The following ARHGAP22 variants were observed in gnomAD, a reference collection of about 807,000 sequenced individuals.
ARHGAP22 encodes the protein Rho GTPase activating protein 22.
A neutral mutation model predicts 59.1 loss-of-function variants in ARHGAP22; 48 were observed. The observed-to-expected ratio is 0.81, with a 90% CI of 0.64 to 1.03. The LOEUF is 1.03. Ranked by LOEUF, ARHGAP22 falls within the 50% of genes least tolerant of loss-of-function variation. The pLI is 0.00. For synonymous variants in ARHGAP22, 445 were observed against 416.4 expected, an observed-to-expected ratio of 1.07 and a Z score of -0.84; for missense variants, 1,015 against 958.7, an observed-to-expected ratio of 1.06 and a Z score of -0.78.
At chr10:48,577,801 GTTTTTTTTTTT>G (rs34557935) in intron 2 of ARHGAP22, among the ~76,000 whole-genome samples, 1 of 59,142 alleles carries the variant, frequency 1.7e-5, no homozygotes, top group African/African-American at 6.6e-5. Flanking sequence ...CTCTTTTTTG[GTTTTTTTTTTT>G]TTTTTTTTTT....
Position 48,450,473 on chromosome 10 carries a change from G to A in ARHGAP22, c.1656C>T (p.Ser552=), listed in dbSNP as rs1564660556. 1.3e-6 allele frequency: 2 copies of A among 1,541,542 alleles called. No individual in the cohort carries two copies. The highest frequency in any genetic ancestry group is 1.8e-6 in the Non-Finnish European group (2 of 1,142,578). The change falls in exon 9 of 10, where the codon TCC becomes TCT. Residue 552 remains serine (S), a synonymous_variant. Transcript: ENST00000249601. ...SLHTDWALEP[S]PLPSSSEDPK... is the part of the protein sequence containing the mutation. The stretch of plus-strand genomic sequence containing the variant: ...GGTCCTCGCTGCTGCTGGGGAGCGG[G>A]GAGGGCTCCAGGGCCCAGTCGGTGT...
intron 1 of ARHGAP22, among the ~76,000 whole-genome samples, chr10:48,589,679 T>C (rs540525154): frequency 6.6e-6 from 1 of 152,284 alleles, no homozygotes; most frequent in East Asian, 1.9e-4. Context: ...CTGAAGATTC[T>C]CTCAGTGCAT....
chr10:48,447,063 T>C (rs2045428740), intron 9 of ARHGAP22, among the ~76,000 whole-genome samples: 1 of 152,174 alleles, frequency 6.6e-6, no homozygotes, highest in Non-Finnish European at 1.5e-5. Context: ...CAGCCACACG[T>C]GGTGACCCAC....
intron 3 of ARHGAP22, among the ~76,000 whole-genome samples, chr10:48,539,165 C>T (rs1017740209): frequency 1.1e-4 from 17 of 152,084 alleles, no homozygotes; most frequent in Non-Finnish European, 2.2e-4. Flanking sequence ...ATCCAGATAA[C>T]ATCAAATAGT....
chr10:48,498,337 A>G (rs967415167), intron 3 of ARHGAP22, among the ~76,000 whole-genome samples: 1 of 152,078 alleles, frequency 6.6e-6, no homozygotes, highest in African/African-American at 2.4e-5. Flanking sequence ...CTGGCGAACA[A>G]TGAAGGCCCC....
At chr10:48,548,585 T>C in intron 3 of ARHGAP22, among the ~76,000 whole-genome samples, 1 of 151,906 alleles carries the variant, frequency 6.6e-6, no homozygotes, top group East Asian at 2.0e-4. Flanking sequence ...TCTTAGCAAC[T>C]CTTTTTGCCC....
intron 4 of ARHGAP22, among the ~76,000 whole-genome samples, chr10:48,478,436 G>C (rs923792003): frequency 5.3e-5 from 8 of 152,152 alleles, no homozygotes; most frequent in Non-Finnish European, 1.2e-4. Context: ...TGGGCAAACA[G>C]AGGAGCAAAG....
chr10:48,553,520 G>A (rs986537408), intron 3 of ARHGAP22, among the ~76,000 whole-genome samples: 2 of 152,314 alleles, frequency 1.3e-5, no homozygotes, highest in East Asian at 1.9e-4. Context: ...CCCCAACTCC[G>A]CCACTAGCTG....
Position 48,503,189 on chromosome 10 carries a change from C to T in ARHGAP22, c.323-23425G>A, listed in dbSNP as rs985490374. On this transcript the variant is annotated intron_variant, in intron 3 of 9. Coordinates refer to ENST00000249601, the MANE Select transcript of ARHGAP22 (RefSeq NM_021226.4). ...GGGAGAAGAAAATAAGTTAAAACAG[C>T]AGCATGTTAAATGGAATATGTTAAC... Among the ~76,000 whole-genome samples, 7 of 152,160 alleles carry T rather than the reference C, an allele frequency of 4.6e-5. No homozygotes were observed. The South Asian group carries it at 1.4e-3, about 31-fold the overall frequency.
chr10:48,640,358 T>G (rs2061992933), intron 1 of ARHGAP22, among the ~76,000 whole-genome samples: 1 of 152,210 alleles, frequency 6.6e-6, no homozygotes, highest in Non-Finnish European at 1.5e-5. Flanking sequence ...ATGAAAAACA[T>G]TATTTTTCAT....
chr10:48,605,238 G>T, upstream of ARHGAP22: 1 of 875,884 alleles, frequency 1.1e-6, no homozygotes, highest in Non-Finnish European at 1.4e-6. Context: ...CTTTGCTGAG[G>T]CTGGAAGAAA....
At chr10:48,648,738 G>T (rs114455342) in intron 1 of ARHGAP22, among the ~76,000 whole-genome samples, 48 of 152,352 alleles carry the variant, frequency 3.2e-4, no homozygotes, top group African/African-American at 1.1e-3. Context: ...AGAGCAGCAG[G>T]GAGGCCGGCA....
At chr10:48,475,931 C>T (rs2048678252) in intron 4 of ARHGAP22, among the ~76,000 whole-genome samples, 3 of 152,226 alleles carry the variant, frequency 2.0e-5, no homozygotes. Flanking sequence ...GGCCTCCTTG[C>T]TGTTCTTCCG....
chr10:48,649,512 C>A (rs541003772), intron 1 of ARHGAP22, among the ~76,000 whole-genome samples: 1 of 152,310 alleles, frequency 6.6e-6, no homozygotes, highest in African/African-American at 2.4e-5. Context: ...TGGGCAGAGG[C>A]CACCGTCTTT....
At chr10:48,547,056 G>A (rs1361153252) in intron 3 of ARHGAP22, among the ~76,000 whole-genome samples, 1 of 152,190 alleles carries the variant, frequency 6.6e-6, no homozygotes, top group African/African-American at 2.4e-5. Flanking sequence ...GGCCTGGAGA[G>A]ATGGGTGGTC....
chr10:48,564,328 A>G (rs1255592696), intron 2 of ARHGAP22, among the ~76,000 whole-genome samples: 3 of 152,220 alleles, frequency 2.0e-5, no homozygotes, highest in East Asian at 3.8e-4. Flanking sequence ...TGAGGTACAT[A>G]CAAAAGGTTT....
In ARHGAP22 at chr10:48,604,808, C is replaced by T. The variant is rs758324324; in HGVS notation, c.-12G>A. On this transcript the variant is annotated 5_prime_UTR_variant, in exon 1 of 10. Coordinates refer to ENST00000249601, the MANE Select transcript of ARHGAP22 (RefSeq NM_021226.4). ...TTTGGGCTCAGCATGTTCTTGCAGC[C>T]GTCCGGCCAGCCCCGCAGGGCCGTT... is the stretch of plus-strand genomic sequence containing the variant. The T allele has an allele frequency of 4.3e-6, 7 of 1,614,088 alleles. No individual in the cohort carries two copies. In the South Asian group the frequency reaches 7.7e-5, roughly 18 times the overall value.
the ARHGAP22 span, chr10:48,439,178 T>C: frequency 2.6e-5 from 4 of 151,582 alleles, no homozygotes; most frequent in Admixed American, 6.6e-5. Context: ...CCCTCTCCTT[T>C]CCTCTAGACA....
At chr10:48,487,899 T>C (rs1332365245) in intron 3 of ARHGAP22, among the ~76,000 whole-genome samples, 2 of 152,122 alleles carry the variant, frequency 1.3e-5, no homozygotes, top group African/African-American at 4.8e-5. Flanking sequence ...ACCCCAACTC[T>C]ATGAAAAATA....
Sources: gnomAD v4.1 joint callset for allele counts (sites outside exome capture counted in the v4.1 genomes callset) on GRCh38, gnomAD v4.1.1 for gene constraint, MANE v1.5 for transcripts, NCBI Gene and HGNC (gene_info 2026-07-23, HGNC 2026-07-21) for gene names.